Variants in RAPH1 observed in about 807,000 individuals in gnomAD.
The protein encoded by RAPH1 is Ras association (RalGDS/AF-6) and pleckstrin homology domains 1.
A neutral mutation model predicts 88.1 loss-of-function variants in RAPH1; 18 were observed. The ratio of observed to expected loss-of-function variants is 0.20; its 90% CI spans 0.14 to 0.30. RAPH1 has a LOEUF of 0.30. Among genes scored for constraint, RAPH1 ranks in the 10% least tolerant of loss-of-function variants. The probability of loss-of-function intolerance (pLI) is 1.00; values close to 1 mark genes in which losing one functional copy is unlikely to be tolerated. For synonymous variants in RAPH1, 587 were observed against 559.0 expected, an observed-to-expected ratio of 1.05 and a Z score of -0.71; for missense variants, 1,448 against 1,543.2, an observed-to-expected ratio of 0.94 and a Z score of 1.03.
In RAPH1 at chr2:203,441,094, G is replaced by A; in HGVS notation, c.2096C>T (p.Pro699Leu). Residue 699 changes from proline (P) to leucine (L), a missense_variant, in exon 14 of 14, where the codon CCT becomes CTT. Around this residue, in one of 2 missense-constraint regions of RAPH1, gnomAD observed 935 missense variants for 890.1 expected, o/e 1.05. Transcript: ENST00000319170. ...TCCATTGGGGGGTACCAGGATCTGA[G>A]GCTTCACTGACTGTGACTGCATCAC... ...PPVMQSQSVK[P>L]QILVPPNGVV... 2.5e-6 allele frequency: 4 copies of A among 1,606,114 alleles called. No individual in the cohort carries two copies. The highest frequency in any genetic ancestry group is 1.7e-6 in the Non-Finnish European group (2 of 1,175,080).
chr2:203,520,417 C>T (rs1689814708), intron 1 of RAPH1, among the ~76,000 whole-genome samples: 1 of 151,646 alleles, frequency 6.6e-6, no homozygotes, highest in African/African-American at 2.4e-5. Context: ...CACCTGAGGT[C>T]AGGAGATCGA....
intron 2 of RAPH1, among the ~76,000 whole-genome samples, chr2:203,494,328 T>C (rs966096622): frequency 6.6e-6 from 1 of 152,186 alleles, no homozygotes; most frequent in Non-Finnish European, 1.5e-5. Context: ...ACACAGTGAA[T>C]ATAATGTATT....
At chr2:203,503,943 C>T (rs1247757920) in intron 1 of RAPH1, among the ~76,000 whole-genome samples, 1 of 152,220 alleles carries the variant, frequency 6.6e-6, no homozygotes, top group African/African-American at 2.4e-5. Flanking sequence ...CTCCAGGTCT[C>T]ACATCCTGGT....
intron 10 of RAPH1, among the ~76,000 whole-genome samples, chr2:203,453,545 CAAAAAAAAA>C (rs59304139): frequency 7.1e-5 from 2 of 28,268 alleles, no homozygotes; most frequent in Non-Finnish European, 1.3e-4. Flanking sequence ...GACCCTGCCT[CAAAAAAAAA>C]AAAAAAAAAA....
chr2:203,491,110 G>T, intron 3 of RAPH1, 104 bp downstream of exon 3: 1 of 612,052 alleles, frequency 1.6e-6, no homozygotes. Context: ...AGTTATGCAT[G>T]TAGCTTTTAT....
chr2:203,526,643 T>C (rs1022869921), intron 1 of RAPH1, among the ~76,000 whole-genome samples: 3 of 144,102 alleles, frequency 2.1e-5, no homozygotes, highest in Non-Finnish European at 4.5e-5. Context: ...GAGAATCACT[T>C]GAACCCAGAA....
chr2:203,483,698 C>A (rs977748143), intron 4 of RAPH1, among the ~76,000 whole-genome samples: 1 of 152,160 alleles, frequency 6.6e-6, no homozygotes, highest in Non-Finnish European at 1.5e-5. Flanking sequence ...GGGGAAGATC[C>A]ATCCTCATTG....
chr2:203,443,049 T>C (rs2098505702), intron 13 of RAPH1: 1 of 152,202 alleles, frequency 6.6e-6, no homozygotes, highest in Non-Finnish European at 1.5e-5. Flanking sequence ...ACTCAGTGTT[T>C]TGAGAATTTA....
chr2:203,457,641 G>A lies in RAPH1; in HGVS notation c.1093-46C>T, dbSNP rs1485293950. 2.2e-6 allele frequency: 3 copies of A among 1,372,656 alleles called. No individual in the cohort carries two copies. In the East Asian group the frequency reaches 6.8e-5, roughly 31 times the overall value. The allele number at this position is 1,372,656 out of a possible 1,614,324, so 85.0% of individuals were successfully genotyped here. On this transcript the variant is annotated intron_variant, in intron 7 of 13. Transcript: ENST00000319170. Reference sequence around the variant, plus strand: ...AAGGGATGGGTGGGAGAGAAAAAAAGAAGGTTAAAGCATAAATCCATTCTG... The same window carrying A: ...AAGGGATGGGTGGGAGAGAAAAAAAAAAGGTTAAAGCATAAATCCATTCTG...
chr2:203,529,008 T>G (rs13012280), intron 1 of RAPH1, among the ~76,000 whole-genome samples: 1 of 91,942 alleles, frequency 1.1e-5, no homozygotes, highest in Non-Finnish European at 2.1e-5. Flanking sequence ...TATATATATT[T>G]TTTTTTTTTT....
intron 2 of RAPH1, 135 bp downstream of exon 2, chr2:203,495,099 G>T: frequency 1.1e-6 from 1 of 898,702 alleles, no homozygotes; most frequent in Non-Finnish European, 1.7e-6. Context: ...TCATTTACTT[G>T]TCAATACTTC....
intron 1 of RAPH1, among the ~76,000 whole-genome samples, chr2:203,504,553 G>C (rs975895520): frequency 6.6e-6 from 1 of 152,214 alleles, no homozygotes; most frequent in African/African-American, 2.4e-5. Flanking sequence ...CCTGTGATGG[G>C]AGGGGGCTGA....
intron 3 of RAPH1, 30 bp downstream of exon 3, chr2:203,491,184 T>G: frequency 6.9e-7 from 1 of 1,459,450 alleles, no homozygotes; most frequent in East Asian, 2.3e-5. Context: ...TAGCATACTA[T>G]TTTACATTTT....
intron 12 of RAPH1, chr2:203,445,691 A>G (rs1053157862): frequency 3.3e-5 from 5 of 152,228 alleles, no homozygotes; most frequent in African/African-American, 1.2e-4. Context: ...ATTTGAGCCC[A>G]GGAGAGTTAA....
intron 1 of RAPH1, among the ~76,000 whole-genome samples, chr2:203,526,533 T>C (rs530656516): frequency 6.6e-6 from 1 of 152,124 alleles, no homozygotes; most frequent in South Asian, 2.1e-4. Flanking sequence ...AAGGCCAGCC[T>C]GGCCAACATG....
At chr2:203,499,280 G>A (rs1415154263) in intron 1 of RAPH1, among the ~76,000 whole-genome samples, 3 of 152,070 alleles carry the variant, frequency 2.0e-5, no homozygotes, top group Admixed American at 1.3e-4. Flanking sequence ...GGAAAATATC[G>A]CTAGAGAACA....
At position 203,441,297 on chromosome 2, in the gene RAPH1, C is replaced by T. The variant is rs138582333; in HGVS notation, c.1893G>A (p.Pro631=). 126 of 1,098,386 alleles carry T rather than the reference C, an allele frequency of 1.1e-4. No homozygotes were observed. The African/African-American group carries it at 2.4e-3, about 21-fold the overall frequency. 68.0% of individuals were successfully genotyped at this position (1,098,386 alleles called of 1,614,324 possible). ...GTGGTGGAGGAGGAGGTGGGGGTGG[C>T]GGAGGAGGTAGAGGTGGTGAAGGCT... ...ASQPSPPLPP[P]PPPPPPPPPP... is the part of the protein sequence containing the mutation. The change falls in exon 14 of 14, where the codon CCG becomes CCA. Residue 631 remains proline (P), a synonymous_variant. Transcript: ENST00000319170.
Position 203,461,354 on chromosome 2 carries a change from C to G in RAPH1, c.865G>C (p.Glu289Gln). The G allele has an allele frequency of 6.2e-7, 1 of 1,610,610 alleles. No individual in the cohort carries two copies. The highest frequency in any genetic ancestry group is 8.5e-7 in the Non-Finnish European group (1 of 1,178,154). Residue 289 changes from glutamate (E) to glutamine (Q), a missense_variant, in exon 6 of 14, where the codon GAG (glutamate) becomes CAG (glutamine). Transcript: ENST00000319170. Reference sequence around the variant, plus strand: ...AGTACTTGTCTTACTGTCTGCCTCTCATCCACCATCATTGTTTTAGAACTG... The same window carrying G: ...AGTACTTGTCTTACTGTCTGCCTCTGATCCACCATCATTGTTTTAGAACTG... ...DDSSKTMMVDERQTVRQVLDN... is the reference protein window; with the variant it reads ...DDSSKTMMVDQRQTVRQVLDN...
chr2:203,477,007 A>G, intron 4 of RAPH1: 1 of 1,078,758 alleles, frequency 9.3e-7, no homozygotes, highest in Non-Finnish European at 1.4e-6. Flanking sequence ...AAAAGGTTTC[A>G]TCATTTGGAG....
Sources: gnomAD v4.1 joint callset for allele counts (sites outside exome capture counted in the v4.1 genomes callset) on GRCh38, gnomAD v4.1.1 for gene constraint, gnomAD v4.1.1 regional missense constraint, MANE v1.5 for transcripts, NCBI Gene and HGNC (gene_info 2026-07-23, HGNC 2026-07-21) for gene names.